Variants in CREBBP observed in about 807,000 individuals in gnomAD.
The protein encoded by CREBBP is CREB-binding protein.
In CREBBP, 19 loss-of-function variants were observed where a neutral mutation model predicts 265.0. The observed-to-expected ratio is 0.07, with a 90% CI of 0.05 to 0.11. CREBBP has a LOEUF of 0.11. Among genes scored for constraint, CREBBP ranks in the 10% least tolerant of loss-of-function variants. CREBBP has a pLI of 1.00. For missense variants in CREBBP, 2,525 were observed against 3,219.0 expected (o/e 0.78, Z 5.22); for synonymous variants, 1,457 against 1,223.7 (o/e 1.19, Z -3.98).
intron 1 of CREBBP, among the ~76,000 whole-genome samples, chr16:3,877,361 T>C (rs558873980): frequency 5.9e-5 from 9 of 152,350 alleles, no homozygotes; most frequent in African/African-American, 2.2e-4. Context: ...TCTGTCCATC[T>C]CATTACTCAA....
chr16:3,792,357 C>A (rs1160180845), intron 4 of CREBBP, among the ~76,000 whole-genome samples: 1 of 152,188 alleles, frequency 6.6e-6, no homozygotes, highest in East Asian at 1.9e-4. Context: ...AAAACAAAAA[C>A]TATTCAACCT....
Position 3,760,400 on chromosome 16 carries a change from T to G in CREBBP, c.3251-1428A>C, listed in dbSNP as rs956967548. The stretch of plus-strand genomic sequence containing the variant: ...AAGCTATCATGCCCAGGTTTTTTTT[T>G]TTTTTTTTTTTTTTTTTTTTGAGAC... On this transcript the variant is annotated intron_variant, in intron 16 of 30. Transcript: ENST00000262367. Among the ~76,000 whole-genome samples, 127 of 111,960 alleles carry G rather than the reference T, an allele frequency of 1.1e-3. 3 individuals are homozygous for G. In the East Asian group the frequency reaches 0.037, roughly 32 times the overall value. 73.5% of individuals were successfully genotyped at this position (111,960 alleles called of 152,430 possible). A position where few individuals can be genotyped will look rare whatever the true frequency, so the allele number is the denominator to read the frequency against.
chr16:3,880,090 A>C lies in CREBBP; in HGVS notation c.-174T>G. 1 of 300,748 alleles carries C rather than the reference A, an allele frequency of 3.3e-6. No individual in the cohort carries two copies. The allele number at this position is 300,748 out of a possible 1,614,324, so 18.6% of individuals were successfully genotyped here. ...AGGCCGGGTGGGGGAGGCGGCGGCC[A>C]AATCTCAGCCACAGCAACAGCGCCC... On this transcript the variant is annotated 5_prime_UTR_variant, in exon 1 of 31. Coordinates refer to ENST00000262367, the MANE Select transcript of CREBBP (RefSeq NM_004380.3).
chr16:3,851,710 C>T (rs1320695989), intron 1 of CREBBP, among the ~76,000 whole-genome samples: 1 of 151,550 alleles, frequency 6.6e-6, no homozygotes, highest in Non-Finnish European at 1.5e-5. Context: ...AAAAATTAGC[C>T]GGGCGCGGTG....
chr16:3,867,969 A>G (rs955261492), intron 1 of CREBBP, among the ~76,000 whole-genome samples: 2 of 152,086 alleles, frequency 1.3e-5, no homozygotes, highest in Non-Finnish European at 2.9e-5. Flanking sequence ...CAAAGCCTGC[A>G]TTTCTAATAC....
intron 1 of CREBBP, among the ~76,000 whole-genome samples, chr16:3,853,579 C>T (rs2054899117): frequency 6.6e-6 from 1 of 151,810 alleles, no homozygotes; most frequent in Non-Finnish European, 1.5e-5. Flanking sequence ...CACTGCACTC[C>T]AGCCTGGATG....
At chr16:3,761,813 C>A (rs2052725703) in intron 16 of CREBBP, among the ~76,000 whole-genome samples, 1 of 152,212 alleles carries the variant, frequency 6.6e-6, no homozygotes, top group Non-Finnish European at 1.5e-5. Flanking sequence ...CTGTTTTATG[C>A]ACAGACGAAG....
At chr16:3,779,588 A>G (rs901027697) in intron 8 of CREBBP, among the ~76,000 whole-genome samples, 5 of 152,264 alleles carry the variant, frequency 3.3e-5, no homozygotes, top group African/African-American at 1.2e-4. Flanking sequence ...ATGTCAATAC[A>G]TGAATGAAGT....
At chr16:3,810,925 G>C in intron 2 of CREBBP, 146 bp from the exon 3 acceptor site, 2 of 788,968 alleles carry the variant, frequency 2.5e-6, no homozygotes, top group Non-Finnish European at 4.2e-6. Context: ...GCTCCAAGCA[G>C]AAGGCTCATG....
intron 1 of CREBBP, among the ~76,000 whole-genome samples, chr16:3,857,823 A>G (rs898268240): frequency 6.6e-6 from 1 of 152,244 alleles, no homozygotes; most frequent in African/African-American, 2.4e-5. Flanking sequence ...CTGGCTGCCA[A>G]CCAGGAGGCT....
At position 3,823,957 on chromosome 16, in the gene CREBBP, A is replaced by AACAC. The variant is rs57902688; in HGVS notation, c.799-13182_799-13179dup. ...CACTGGAAGTTGAAAAGGCTGTGGC[A>AACAC]ACACACACACACACACACACACACA... On this transcript the variant is annotated intron_variant, in intron 2 of 30. Coordinates refer to ENST00000262367, the MANE Select transcript of CREBBP (RefSeq NM_004380.3). Among the ~76,000 whole-genome samples, 1,051 of 148,118 alleles carry AACAC rather than the reference A, an allele frequency of 7.1e-3. 7 individuals carry two copies. The highest frequency in any genetic ancestry group is 0.018 in the African/African-American group (727 of 40,246).
At chr16:3,808,635 C>T (rs557716249) in intron 3 of CREBBP, among the ~76,000 whole-genome samples, 3 of 152,222 alleles carry the variant, frequency 2.0e-5, no homozygotes, top group East Asian at 3.9e-4. Flanking sequence ...CAGAGGGGCC[C>T]GGAGCACAGA....
chr16:3,751,488 A>T (rs1181779293), intron 20 of CREBBP, among the ~76,000 whole-genome samples: 1 of 151,992 alleles, frequency 6.6e-6, no homozygotes, highest in Non-Finnish European at 1.5e-5. Context: ...GCTACTTGAG[A>T]GGCTGAGAAA....
intron 2 of CREBBP, among the ~76,000 whole-genome samples, chr16:3,821,381 G>A (rs1480104569): frequency 6.6e-6 from 1 of 152,178 alleles, no homozygotes; most frequent in Non-Finnish European, 1.5e-5. Flanking sequence ...CAGAGTGGAT[G>A]GCCAGCAGCC....
chr16:3,851,895 G>A (rs1299151139), intron 1 of CREBBP, among the ~76,000 whole-genome samples: 4 of 145,312 alleles, frequency 2.8e-5, no homozygotes, highest in Non-Finnish European at 4.5e-5. Flanking sequence ...AACATTAGCC[G>A]GGCATGGTGG....
rs1432451714 is a variant in CREBBP, at chr16:3,729,758, G to A, written c.5289C>T (p.Ser1763=). The change falls in exon 31 of 31, where the codon AGC becomes AGT. Residue 1763 remains serine (S), a synonymous_variant. Transcript: ENST00000262367. ...GSSQGEPQSK[S]PQESRRLSIQ... ...TGCTCAGCCGGCGTGACTCCTGGGG[G>A]CTCTTTGACTGTGGCTCGCCCTGGC... 5 of 1,608,196 alleles carry A rather than the reference G, an allele frequency of 3.1e-6. No individual in the cohort carries two copies. In the African/African-American group the frequency reaches 4.0e-5, roughly 13 times the overall value.
rs754612849 is a variant in CREBBP at position 3,780,890 on chromosome 16, A to G, written c.1677-12T>C. The stretch of plus-strand genomic sequence containing the variant: ...CGTTCATCAGTGGGCTAAGGAGGAA[A>G]TAAAGACACTTCATCCATCTACTGA... On this transcript the variant is annotated splice_polypyrimidine_tract_variant and intron_variant, in intron 7 of 30. Coordinates refer to ENST00000262367, the MANE Select transcript of CREBBP (RefSeq NM_004380.3). 4.3e-6 allele frequency: 7 copies of G among 1,612,998 alleles called. No homozygotes were observed. Among genetic ancestry groups the G allele is most frequent in the African/African-American group, 1.3e-5 (1 of 74,904 alleles).
intron 2 of CREBBP, among the ~76,000 whole-genome samples, chr16:3,827,711 G>A (rs1315863002): frequency 1.3e-5 from 2 of 151,876 alleles, no homozygotes; most frequent in African/African-American, 4.8e-5. Context: ...TATTTTTTTA[G>A]AGACAGGGTC....
chr16:3,758,408 T>A (rs1392582575), intron 17 of CREBBP, among the ~76,000 whole-genome samples: 3 of 152,178 alleles, frequency 2.0e-5, no homozygotes, highest in Admixed American at 6.5e-5. Flanking sequence ...TCACTCTTGA[T>A]CCTAGCAAGC....
Sources: allele counts gnomAD v4.1 joint callset (sites outside exome capture counted in the v4.1 genomes callset), GRCh38; gene constraint gnomAD v4.1.1; transcripts MANE v1.5; gene names NCBI Gene and HGNC (gene_info 2026-07-23, HGNC 2026-07-21).